Variants in BMPER observed in about 807,000 individuals in gnomAD.
BMPER encodes the protein BMP binding endothelial regulator, also known as BMP-binding endothelial regulator protein.
Under a neutral mutation model 87.3 loss-of-function variants are expected in BMPER, and 45 were observed. That is an observed-to-expected ratio of 0.52 (90% CI 0.41 to 0.66). BMPER has a LOEUF of 0.66. Among genes scored for constraint, BMPER ranks in the 30% least tolerant of loss-of-function variants. BMPER has a pLI of 0.00. For synonymous variants in BMPER, 326 were observed against 316.2 expected (o/e 1.03, Z -0.33); for missense variants, 784 against 867.5 (o/e 0.90, Z 1.21).
chr7:34,152,020 T>C (rs944621523), intron 14 of BMPER, among the ~76,000 whole-genome samples: 1 of 152,336 alleles, frequency 6.6e-6, no homozygotes, highest in African/African-American at 2.4e-5. Flanking sequence ...GATCAACATT[T>C]TGTGGCAACT....
chr7:34,119,119 G>A (rs1040831062), intron 13 of BMPER, among the ~76,000 whole-genome samples: 1 of 151,916 alleles, frequency 6.6e-6, no homozygotes, highest in Non-Finnish European at 1.5e-5. Flanking sequence ...GAATAATGCA[G>A]TAAGTTCAGG....
Position 34,155,736 on chromosome 7 carries a change from T to C in BMPER, c.*2463T>C, listed in dbSNP as rs1791290261. 6.6e-6 allele frequency: 1 copy of C among 152,222 alleles called. No homozygotes were observed. The highest frequency in any genetic ancestry group is 2.1e-4 in the South Asian group (1 of 4,826). The allele number at this position is 152,222 out of a possible 1,614,324, so 9.4% of individuals were successfully genotyped here. A position where few individuals can be genotyped will look rare whatever the true frequency, so the allele number is the denominator to read the frequency against. On this transcript the variant is annotated 3_prime_UTR_variant, in exon 15 of 15. Coordinates refer to ENST00000649409, the MANE Select transcript of BMPER (RefSeq NM_001365308.1). ...GCTGAGCAATGGCTTAGTCTAATGATTGGGCACAATGAGGATTTACCAAGT... is the reference window on the plus strand; with the variant it reads ...GCTGAGCAATGGCTTAGTCTAATGACTGGGCACAATGAGGATTTACCAAGT...
At chr7:33,936,723 C>T (rs1352674032) in intron 2 of BMPER, among the ~76,000 whole-genome samples, 2 of 152,208 alleles carry the variant, frequency 1.3e-5, no homozygotes, top group Non-Finnish European at 2.9e-5. Flanking sequence ...TGTCCCACAG[C>T]TAGAAAACAC....
intron 6 of BMPER, among the ~76,000 whole-genome samples, chr7:33,984,738 TAGA>T (rs1185629919): frequency 6.6e-6 from 1 of 152,242 alleles, no homozygotes; most frequent in Non-Finnish European, 1.5e-5. Flanking sequence ...TTAGAGTTGG[TAGA>T]AGAATTAGCT....
intron 13 of BMPER, among the ~76,000 whole-genome samples, chr7:34,131,436 C>G (rs1266331499): frequency 6.6e-6 from 1 of 152,176 alleles, no homozygotes; most frequent in Non-Finnish European, 1.5e-5. Context: ...ACCACTGTAC[C>G]GCATCCTCCA....
intron 6 of BMPER, among the ~76,000 whole-genome samples, chr7:34,009,055 C>T (rs1355205188): frequency 6.6e-6 from 1 of 151,736 alleles, no homozygotes; most frequent in Non-Finnish European, 1.5e-5. Context: ...AATTCCTGGC[C>T]TCAAATGATC....
chr7:34,018,629 C>T (rs1015796207), intron 6 of BMPER, among the ~76,000 whole-genome samples: 1 of 151,796 alleles, frequency 6.6e-6, no homozygotes, highest in Non-Finnish European at 1.5e-5. Context: ...GTGAATGCTT[C>T]GAGTTTCTGA....
At chr7:33,949,881 A>T (rs1182844015) in intron 3 of BMPER, among the ~76,000 whole-genome samples, 5 of 152,222 alleles carry the variant, frequency 3.3e-5, no homozygotes, top group Non-Finnish European at 7.3e-5. Flanking sequence ...GGCTACCCAT[A>T]ATATAAACCA....
chr7:33,948,445 T>C (rs1400600641), intron 3 of BMPER, among the ~76,000 whole-genome samples: 1 of 152,154 alleles, frequency 6.6e-6, no homozygotes, highest in Non-Finnish European at 1.5e-5. Flanking sequence ...AGAGGGGGTC[T>C]TCTGACTCCC....
chr7:34,004,713 G>GT (rs1380700675), intron 6 of BMPER, among the ~76,000 whole-genome samples: 1 of 152,098 alleles, frequency 6.6e-6, no homozygotes, highest in Non-Finnish European at 1.5e-5. Flanking sequence ...AGAGATTTCC[G>GT]TAAATGTCTT....
intron 2 of BMPER, among the ~76,000 whole-genome samples, chr7:33,917,974 G>A (rs1395203572): frequency 6.6e-6 from 1 of 152,030 alleles, no homozygotes; most frequent in Non-Finnish European, 1.5e-5. Flanking sequence ...ATTTCTTTGG[G>A]CCTCTATAAG....
upstream of BMPER, chr7:33,905,452 CT>C: frequency 7.1e-6 from 3 of 424,188 alleles, no homozygotes; most frequent in Admixed American, 2.7e-5. Context: ...CCCGCCCTCC[CT>C]CACACCCCCC....
intron 10 of BMPER, among the ~76,000 whole-genome samples, chr7:34,058,571 CTTCCCCAAGGGG>C (rs1401299158): frequency 6.6e-6 from 1 of 152,208 alleles, no homozygotes; most frequent in African/African-American, 2.4e-5. Context: ...TTTATTAATA[CTTCCCCAAGGGG>C]TTTCTCCTGC....
chr7:33,957,389 T>G (rs1785172837), intron 3 of BMPER, among the ~76,000 whole-genome samples: 1 of 150,402 alleles, frequency 6.6e-6, no homozygotes, highest in Non-Finnish European at 1.5e-5. Flanking sequence ...TTTAATATTC[T>G]GGAATAACAA....
At chr7:34,056,532 T>G (rs1788288914) in intron 9 of BMPER, among the ~76,000 whole-genome samples, 1 of 152,010 alleles carries the variant, frequency 6.6e-6, no homozygotes, top group African/African-American at 2.4e-5. Flanking sequence ...CCTCTTGATA[T>G]AAAGTCGCCT....
At chr7:34,119,028 A>ACACACACACACACACACACACACACACC (rs1790193794) in intron 13 of BMPER, among the ~76,000 whole-genome samples, 1 of 151,370 alleles carries the variant, frequency 6.6e-6, no homozygotes, top group Non-Finnish European at 1.5e-5. Flanking sequence ...ACACACACAC[A>ACACACACACACACACACACACACACACC]CACACACACG....
intron 13 of BMPER, among the ~76,000 whole-genome samples, chr7:34,132,768 G>A (rs1413022291): frequency 2.0e-5 from 3 of 152,090 alleles, no homozygotes; most frequent in Admixed American, 2.0e-4. Flanking sequence ...CAGAATATTA[G>A]TACTGTGGAG....
chr7:33,937,270 C>T lies in BMPER; in HGVS notation c.220-19C>T, dbSNP rs376011702. On this transcript the variant is annotated intron_variant, in intron 2 of 14. Coordinates refer to ENST00000649409, the MANE Select transcript of BMPER (RefSeq NM_001365308.1). Reference sequence around the variant, plus strand: ...TGTTTGATGTCTATTTCAAATCTCTCGTGTCTCTTTTTGTCTAGAACAAGG... The same window carrying T: ...TGTTTGATGTCTATTTCAAATCTCTTGTGTCTCTTTTTGTCTAGAACAAGG... The T allele has an allele frequency of 8.3e-5, 134 of 1,607,814 alleles. No homozygotes were observed. The highest frequency in any genetic ancestry group is 5.5e-4 in the South Asian group (50 of 90,956).
intron 5 of BMPER, among the ~76,000 whole-genome samples, chr7:33,970,885 T>A (rs1239852404): frequency 6.6e-6 from 1 of 152,056 alleles, no homozygotes; most frequent in Non-Finnish European, 1.5e-5. Flanking sequence ...AGGTGGACCC[T>A]CTTGTCTTTT....
Sources: allele counts gnomAD v4.1 joint callset (sites outside exome capture counted in the v4.1 genomes callset), GRCh38; gene constraint gnomAD v4.1.1; transcripts MANE v1.5; gene names NCBI Gene and HGNC (gene_info 2026-07-23, HGNC 2026-07-21).